Variants in DCUN1D2 observed in about 807,000 individuals in gnomAD.
The protein encoded by DCUN1D2 is defective in cullin neddylation 1 domain containing 2, also known as DCN1-like protein 2.
A neutral mutation model predicts 30.9 loss-of-function variants in DCUN1D2; 29 were observed. The ratio of observed to expected loss-of-function variants is 0.94; its 90% CI spans 0.70 to 1.28. DCUN1D2 has a LOEUF of 1.28. Among genes scored for constraint, DCUN1D2 ranks in the 50% most tolerant of loss-of-function variants. The pLI is 0.00. For synonymous variants in DCUN1D2, 121 were observed against 115.3 expected (o/e 1.05, Z -0.32); for missense variants, 325 against 316.9 (o/e 1.03, Z -0.19).
In DCUN1D2 at chr13:113,456,177, G is replaced by T. The variant is rs2044223268; in HGVS notation, c.*1852C>A. 1 of 398,512 alleles carries T rather than the reference G, an allele frequency of 2.5e-6. No individual in the cohort carries two copies. The highest frequency in any genetic ancestry group is 4.4e-6 in the Non-Finnish European group (1 of 226,082). 24.7% of individuals were successfully genotyped at this position (398,512 alleles called of 1,614,324 possible). On this transcript the variant is annotated 3_prime_UTR_variant, in exon 7 of 7. Transcript: ENST00000478244. ...TGAGAATCGAAGACTTCTAAAGGTA[G>T]ACAGGCCCAGTTTCCCATTAGAGTT...
At chr13:113,489,914 G>A (rs185244986) in intron 1 of DCUN1D2, among the ~76,000 whole-genome samples, 4 of 152,024 alleles carry the variant, frequency 2.6e-5, no homozygotes, top group Non-Finnish European at 5.9e-5. Context: ...TGCATCTGGT[G>A]CCTGTCTCCC....
intron 6 of DCUN1D2, among the ~76,000 whole-genome samples, chr13:113,458,528 G>A (rs1000989974): frequency 6.6e-6 from 1 of 152,178 alleles, no homozygotes; most frequent in Non-Finnish European, 1.5e-5. Context: ...TCCCCACCCC[G>A]GCAGCCCTGA....
chr13:113,487,164 T>C (rs1378239738), intron 1 of DCUN1D2, among the ~76,000 whole-genome samples: 6 of 152,172 alleles, frequency 3.9e-5, no homozygotes, highest in Admixed American at 3.9e-4. Flanking sequence ...CTAGAGTCTT[T>C]TTATGAAGTT....
chr13:113,488,314 C>T lies in DCUN1D2; in HGVS notation c.3+2353G>A, dbSNP rs976398008. On this transcript the variant is annotated intron_variant, in intron 1 of 6. Transcript: ENST00000478244. This position sits in a 1 kb window ranked among gnomAD's most constrained non-coding sequence, Gnocchi z 4.3. ...GAAGGAGCAAGAGAAGCTTTGGGGT[C>T]TAGGCTTAGTCCATTAACAGGCCTC... Among the ~76,000 whole-genome samples, 1 of 152,236 alleles carries T rather than the reference C, an allele frequency of 6.6e-6. No homozygotes were observed.
intron 4 of DCUN1D2, among the ~76,000 whole-genome samples, chr13:113,472,930 G>A (rs946566214): frequency 8.5e-5 from 13 of 152,126 alleles, no homozygotes; most frequent in East Asian, 7.7e-4. Flanking sequence ...CACCAGCCCC[G>A]TCTCTCTCCC....
At position 113,490,664 on chromosome 13, in the gene DCUN1D2, T is replaced by C; in HGVS notation, c.3+3A>G. 1 of 1,248,742 alleles carries C rather than the reference T, an allele frequency of 8.0e-7. No individual in the cohort carries two copies. The highest frequency in any genetic ancestry group is 2.7e-5 in the South Asian group (1 of 37,212). The allele number at this position is 1,248,742 out of a possible 1,614,324, so 77.4% of individuals were successfully genotyped here. A position where few individuals can be genotyped will look rare whatever the true frequency, so the allele number is the denominator to read the frequency against. ...CGGGCAGAGGCGACGCCGGGCCACC[T>C]ACCATCTCCCCCGCGCCGCCCGCTT... On this transcript the variant is annotated splice_donor_region_variant and intron_variant, in intron 1 of 6. Transcript: ENST00000478244. The surrounding 1 kb of genome is among the most constrained non-coding windows in gnomAD (Gnocchi z 5.2).
In DCUN1D2 at chr13:113,483,922, T is replaced by C. The variant is rs773629210; in HGVS notation, c.138A>G (p.Gln46=). The change falls in exon 2 of 7, where the codon CAA becomes CAG. Residue 46 remains glutamine, a synonymous_variant. Coordinates refer to ENST00000478244, the MANE Select transcript of DCUN1D2 (RefSeq NM_001014283.2). ...ACTCCCTGTGGAGCGAGTCTGGGTT[T>C]TGGAAGAAGCTGTCCGTGGCCTCGT... is the stretch of plus-strand genomic sequence containing the variant. ...RLDEATDSFF[Q]NPDSLHRESM... 1.2e-6 allele frequency: 2 copies of C among 1,614,084 alleles called. No homozygotes were observed. The highest frequency in any genetic ancestry group is 4.5e-5 in the East Asian group (2 of 44,888).
rs904914252 is a variant in DCUN1D2 at position 113,484,009 on chromosome 13, C to A, written c.51G>T (p.Ala17=). ...CAGTTCTCTCGCCAGCCTGAGTGCA[C>A]GCCATAAACTGGCGGACCTTGTCCT... The part of the protein sequence containing the change: ...SQKDKVRQFM[A]CTQAGERTAI... Residue 17 remains alanine, a synonymous_variant, in exon 2 of 7, where the codon GCG becomes GCT. Transcript: ENST00000478244. 6.2e-7 allele frequency: 1 copy of A among 1,614,026 alleles called. No individual in the cohort carries two copies. Among genetic ancestry groups the A allele is most frequent in the African/African-American group, 1.3e-5 (1 of 74,952 alleles).
At chr13:113,474,091 C>G (rs2044569740) in intron 4 of DCUN1D2, 33 bp downstream of exon 4, 3 of 1,599,618 alleles carry the variant, frequency 1.9e-6, no homozygotes, top group Non-Finnish European at 1.7e-6. Flanking sequence ...TCATTATGAT[C>G]TGGCATTTTA....
At chr13:113,486,254 A>C (rs1435309133) in intron 1 of DCUN1D2, among the ~76,000 whole-genome samples, 1 of 152,156 alleles carries the variant, frequency 6.6e-6, no homozygotes, top group African/African-American at 2.4e-5. Flanking sequence ...CAGGAACAGA[A>C]AACCAAATGC....
chr13:113,476,516 T>C (rs2044620547), intron 3 of DCUN1D2, among the ~76,000 whole-genome samples: 1 of 152,246 alleles, frequency 6.6e-6, no homozygotes, highest in African/African-American at 2.4e-5. Context: ...AATGTCTTTT[T>C]CTTATTGTTT....
At chr13:113,485,304 A>C (rs2044782196) in intron 1 of DCUN1D2, among the ~76,000 whole-genome samples, 2 of 152,200 alleles carry the variant, frequency 1.3e-5, no homozygotes, top group Admixed American at 1.3e-4. Context: ...TTATAAAAAC[A>C]CATGGAATGA....
chr13:113,461,753 G>A (rs74995163), intron 4 of DCUN1D2, among the ~76,000 whole-genome samples: 3,659 of 152,280 alleles, frequency 0.024, 96 homozygotes, highest in East Asian at 0.12. Flanking sequence ...TTTCCCACAC[G>A]GGAAGGTGGT....
intron 6 of DCUN1D2, 142 bp downstream of exon 6, chr13:113,459,166 TATGA>T: frequency 1.8e-6 from 1 of 550,172 alleles, no homozygotes; most frequent in Non-Finnish European, 3.3e-6. Context: ...TTTTCTTTTG[TATGA>T]TTTACAGAAA....
chr13:113,490,869 G>A, upstream of DCUN1D2: 1 of 316,614 alleles, frequency 3.2e-6, no homozygotes, highest in Non-Finnish European at 5.2e-6. The surrounding 1 kb of genome is among the most constrained non-coding windows in gnomAD (Gnocchi z 5.2). Context: ...TGCGCGTCCA[G>A]CCCTCTGCGA....
At chr13:113,472,463 C>T (rs1030368206) in intron 4 of DCUN1D2, among the ~76,000 whole-genome samples, 7 of 152,184 alleles carry the variant, frequency 4.6e-5, no homozygotes, top group Admixed American at 4.6e-4. Flanking sequence ...GGGCAGCCTG[C>T]CGTGCAGACA....
intron 1 of DCUN1D2, among the ~76,000 whole-genome samples, chr13:113,486,216 G>A (rs1027924991): frequency 6.6e-6 from 1 of 152,088 alleles, no homozygotes; most frequent in African/African-American, 2.4e-5. Context: ...GGATGGAGCT[G>A]GAGGCCATTT....
intron 2 of DCUN1D2, 74 bp downstream of exon 2, chr13:113,483,766 A>G: frequency 6.8e-7 from 1 of 1,465,084 alleles, no homozygotes; most frequent in Non-Finnish European, 9.4e-7. Flanking sequence ...CCGGCACCAG[A>G]ACCCTGGAAG....
intron 5 of DCUN1D2, among the ~76,000 whole-genome samples, chr13:113,460,269 G>A (rs1394060619): frequency 1.3e-5 from 2 of 152,212 alleles, no homozygotes; most frequent in Non-Finnish European, 2.9e-5. Context: ...CGGAAGTGAC[G>A]TGCCCAAGGC....
Sources: allele counts gnomAD v4.1 joint callset (sites outside exome capture counted in the v4.1 genomes callset), GRCh38; gene constraint gnomAD v4.1.1; non-coding constraint Gnocchi (gnomAD v3.1); transcripts MANE v1.5; gene names NCBI Gene and HGNC (gene_info 2026-07-23, HGNC 2026-07-21).